Variants in VPS36 observed in about 807,000 individuals in gnomAD.
VPS36 encodes the protein vacuolar protein-sorting-associated protein 36.
A neutral mutation model predicts 63.5 loss-of-function variants in VPS36; 31 were observed. That is an observed-to-expected ratio of 0.49 (90% CI 0.37 to 0.66). The LOEUF (loss-of-function observed/expected upper bound fraction) is 0.66, where lower values mean the gene tolerates loss of function less well. VPS36 is among the 30% of genes least tolerant of loss of function. The probability of loss-of-function intolerance (pLI) is 0.00; values close to 1 mark genes in which losing one functional copy is unlikely to be tolerated. For missense variants in VPS36, 338 were observed against 463.7 expected, an observed-to-expected ratio of 0.73 and a Z score of 2.49; for synonymous variants, 138 against 157.2, an observed-to-expected ratio of 0.88 and a Z score of 0.91.
intron 2 of VPS36, among the ~76,000 whole-genome samples, chr13:52,439,528 C>G (rs896942082): frequency 6.6e-6 from 1 of 152,048 alleles, no homozygotes; most frequent in African/African-American, 2.4e-5. Context: ...TCACTGCAAG[C>G]TCTGCCTCCT....
intron 2 of VPS36, among the ~76,000 whole-genome samples, chr13:52,439,459 T>G (rs184308632): frequency 1.6e-3 from 236 of 152,170 alleles, no homozygotes; most frequent in African/African-American, 4.1e-3. Flanking sequence ...AATTTATTTT[T>G]TTTTGAGGCG....
intron 2 of VPS36, among the ~76,000 whole-genome samples, chr13:52,439,508 T>G (rs949269739): frequency 1.3e-5 from 2 of 151,910 alleles, no homozygotes; most frequent in East Asian, 1.9e-4. Context: ...TGCAGTGGCG[T>G]GATCTCGGAT....
intron 6 of VPS36, 108 bp from the exon 7 acceptor site, chr13:52,427,327 C>T (rs1339116500): frequency 3.3e-6 from 4 of 1,195,504 alleles, no homozygotes; most frequent in Non-Finnish European, 4.8e-6. Flanking sequence ...AATTTTCAGC[C>T]GGGCGCAGTG....
intron 10 of VPS36, among the ~76,000 whole-genome samples, chr13:52,418,573 C>CAAAAAAAAA (rs1201650906): frequency 2.9e-4 from 9 of 31,126 alleles, no homozygotes; most frequent in Admixed American, 1.1e-3. Context: ...GACTCCATCT[C>CAAAAAAAAA]AAAAAAAAAA....
intron 1 of VPS36, among the ~76,000 whole-genome samples, chr13:52,444,310 A>T (rs965732843): frequency 1.3e-5 from 2 of 151,820 alleles, no homozygotes; most frequent in African/African-American, 4.8e-5. Context: ...AATACAAAAA[A>T]TTAGCCACGT....
rs931306107 is a variant in VPS36 at position 52,412,803 on chromosome 13, T to C, written c.*3027A>G. The stretch of plus-strand genomic sequence containing the variant: ...CAAACCAGATAAAAACTTCTGCCCT[T>C]GCGCAGCTTATACTCTAGATCGTAA... On this transcript the variant is annotated 3_prime_UTR_variant, in exon 14 of 14. Coordinates refer to ENST00000378060, the MANE Select transcript of VPS36 (RefSeq NM_016075.4). The C allele has an allele frequency of 6.6e-6, 1 of 152,228 alleles. No homozygotes were observed. Among genetic ancestry groups the C allele is most frequent in the Non-Finnish European group, 1.5e-5 (1 of 68,022 alleles). 9.4% of individuals were successfully genotyped at this position (152,228 alleles called of 1,614,324 possible).
chr13:52,429,226 T>A, intron 6 of VPS36: 3 of 984,208 alleles, frequency 3.0e-6, no homozygotes, highest in Non-Finnish European at 3.6e-6. Flanking sequence ...CAGCATGATT[T>A]CTTACTTACT....
chr13:52,430,500 C>T (rs1213017524), intron 6 of VPS36, among the ~76,000 whole-genome samples: 1 of 151,926 alleles, frequency 6.6e-6, no homozygotes, highest in Non-Finnish European at 1.5e-5. Flanking sequence ...GGTGTGGTGG[C>T]ACGCACCTGT....
chr13:52,417,017 T>C (rs1008004320), intron 12 of VPS36, 40 bp downstream of exon 12: 24 of 1,564,082 alleles, frequency 1.5e-5, no homozygotes, highest in South Asian at 2.3e-5. Context: ...CGGGTCTTCA[T>C]AGCAAGCTCT....
chr13:52,450,350 G>A (rs1958389574), intron 1 of VPS36, 149 bp downstream of exon 1: 6 of 1,205,020 alleles, frequency 5.0e-6, no homozygotes, highest in Non-Finnish European at 6.2e-6. Context: ...CAAGAGCGCT[G>A]CACCCCGCAC....
At chr13:52,442,509 C>A in intron 1 of VPS36, 64 bp from the exon 2 acceptor site, 1 of 1,381,438 alleles carries the variant, frequency 7.2e-7, no homozygotes, top group Non-Finnish European at 1.0e-6. Context: ...CGATTTTCTT[C>A]TTCATGAATT....
At chr13:52,428,660 CACCA>C (rs1316663417) in intron 6 of VPS36, among the ~76,000 whole-genome samples, 1 of 152,320 alleles carries the variant, frequency 6.6e-6, no homozygotes, top group Admixed American at 6.5e-5. Context: ...GCAAATCACA[CACCA>C]ACCTAGTTTT....
chr13:52,436,207 T>A (rs1024338827), intron 4 of VPS36, 83 bp downstream of exon 4: 29 of 685,118 alleles, frequency 4.2e-5, no homozygotes, highest in Non-Finnish European at 5.8e-5. Flanking sequence ...TCCATCATAT[T>A]AACAAGCCAC....
intron 1 of VPS36, 109 bp downstream of exon 1, chr13:52,450,390 A>G: frequency 2.3e-6 from 3 of 1,302,008 alleles, no homozygotes; most frequent in Non-Finnish European, 2.9e-6. Context: ...GAGGGCCGTG[A>G]GCTAAGCCGG....
intron 2 of VPS36, among the ~76,000 whole-genome samples, chr13:52,440,913 G>A (rs1289828227): frequency 6.6e-6 from 1 of 152,186 alleles, no homozygotes; most frequent in Non-Finnish European, 1.5e-5. Context: ...GGATGAAACT[G>A]TTCCACTTCA....
chr13:52,450,452 G>T (rs771891265), intron 1 of VPS36, 47 bp downstream of exon 1: 6 of 1,552,962 alleles, frequency 3.9e-6, no homozygotes, highest in East Asian at 5.1e-5. Flanking sequence ...CGCGCCCACC[G>T]GGGGTCCCTT....
chr13:52,419,920 G>A (rs2137773224), intron 10 of VPS36, among the ~76,000 whole-genome samples: 1 of 152,150 alleles, frequency 6.6e-6, no homozygotes, highest in Middle Eastern at 3.4e-3. Context: ...AAGAGAGGTT[G>A]GTTTAATGGG....
At chr13:52,419,892 A>G (rs1200382116) in intron 10 of VPS36, among the ~76,000 whole-genome samples, 1 of 152,138 alleles carries the variant, frequency 6.6e-6, no homozygotes, top group Non-Finnish European at 1.5e-5. Context: ...TGGGAAGAGT[A>G]GTGGGGAAGG....
intron 2 of VPS36, among the ~76,000 whole-genome samples, chr13:52,441,609 G>A (rs764876250): frequency 4.6e-5 from 7 of 152,060 alleles, no homozygotes; most frequent in South Asian, 2.1e-4. Context: ...AAAATTAGCC[G>A]GGCGTGGTGG....
Sources: allele counts gnomAD v4.1 joint callset (sites outside exome capture counted in the v4.1 genomes callset), GRCh38; gene constraint gnomAD v4.1.1; transcripts MANE v1.5; gene names NCBI Gene and HGNC (gene_info 2026-07-23, HGNC 2026-07-21).